Variants in SLIT2 observed in about 807,000 individuals in gnomAD.
SLIT2 encodes the protein slit homolog 2 protein.
Under a neutral mutation model 185.7 loss-of-function variants are expected in SLIT2, and 41 were observed. The observed-to-expected ratio is 0.22, with a 90% CI of 0.17 to 0.29. The LOEUF (loss-of-function observed/expected upper bound fraction) is 0.29, where lower values mean the gene tolerates loss of function less well. Ranked by LOEUF, SLIT2 falls within the 10% of genes least tolerant of loss-of-function variation. SLIT2 has a pLI of 1.00. For missense variants in SLIT2, 1,571 were observed against 1,909.0 expected (o/e 0.82, Z 3.30); for synonymous variants, 693 against 680.2 (o/e 1.02, Z -0.29).
In SLIT2 at chr4:20,334,994, C is replaced by A. The variant is rs527309792; in HGVS notation, c.395+66113C>A. The stretch of plus-strand genomic sequence containing the variant: ...TCAGAATCCTCTCATGCAGTGTCAT[C>A]ACCAGTTAAATAAATTAAATACTAG... On this transcript the variant is annotated intron_variant, in intron 4 of 36. Coordinates refer to ENST00000504154, the MANE Select transcript of SLIT2 (RefSeq NM_004787.4). Among the ~76,000 whole-genome samples the A allele has an allele frequency of 1.4e-3, 218 of 152,276 alleles. 1 individual carries two copies. The highest frequency in any genetic ancestry group is 5.0e-3 in the African/African-American group (206 of 41,556).
intron 11 of SLIT2, among the ~76,000 whole-genome samples, chr4:20,518,253 A>ATT: frequency 9.9e-6 from 1 of 101,410 alleles, no homozygotes; most frequent in African/African-American, 3.6e-5. Context: ...ATATATATAT[A>ATT]TATTTTTTTT....
At position 20,596,797 on chromosome 4, in the gene SLIT2, C is replaced by T. The variant is rs114212914; in HGVS notation, c.3561+142C>T. The T allele has an allele frequency of 1.3e-3, 886 of 700,142 alleles. 13 individuals are homozygous for T. The African/African-American group carries it at 0.014, about 11-fold the overall frequency. The allele number at this position is 700,142 out of a possible 1,614,324, so 43.4% of individuals were successfully genotyped here. On this transcript the variant is annotated intron_variant, in intron 32 of 36. Coordinates refer to ENST00000504154, the MANE Select transcript of SLIT2 (RefSeq NM_004787.4). ...CAGAAAATGCTCCTTGTGTGGACAGCGTTAGTAATTTTTCTCTTCAACATT... is the reference window on the plus strand; with the variant it reads ...CAGAAAATGCTCCTTGTGTGGACAGTGTTAGTAATTTTTCTCTTCAACATT...
intron 4 of SLIT2, among the ~76,000 whole-genome samples, chr4:20,320,030 C>A (rs1335229128): frequency 6.6e-6 from 1 of 152,120 alleles, no homozygotes; most frequent in Non-Finnish European, 1.5e-5. Flanking sequence ...CACTGGATTC[C>A]TGGTTTCCAG....
chr4:20,328,370 A>G (rs1448601595), intron 4 of SLIT2, among the ~76,000 whole-genome samples: 1 of 152,060 alleles, frequency 6.6e-6, no homozygotes, highest in African/African-American at 2.4e-5. Flanking sequence ...CTCCATAAAG[A>G]TGTGGAATCT....
intron 4 of SLIT2, among the ~76,000 whole-genome samples, chr4:20,326,199 TAA>T (rs1032663956): frequency 1.3e-5 from 2 of 152,134 alleles, no homozygotes; most frequent in African/African-American, 4.8e-5. Flanking sequence ...TGTCTGCAAG[TAA>T]AGTTATTAGC....
intron 5 of SLIT2, among the ~76,000 whole-genome samples, chr4:20,475,277 A>G (rs1242897018): frequency 6.6e-6 from 1 of 151,040 alleles, no homozygotes; most frequent in Non-Finnish European, 1.5e-5. Context: ...TTTTCTGTCT[A>G]ATTAGATTCT....
intron 4 of SLIT2, among the ~76,000 whole-genome samples, chr4:20,301,190 A>G (rs777894504): frequency 1.3e-5 from 2 of 152,166 alleles, no homozygotes; most frequent in African/African-American, 4.8e-5. Flanking sequence ...TTTAAAAATT[A>G]GAAAATTTTA....
At chr4:20,260,581 C>A (rs1712348172) in intron 3 of SLIT2, among the ~76,000 whole-genome samples, 1 of 151,474 alleles carries the variant, frequency 6.6e-6, no homozygotes, top group African/African-American at 2.4e-5. Context: ...ATACATTTTT[C>A]TTTTTCTTTT....
intron 21 of SLIT2, among the ~76,000 whole-genome samples, 186 bp downstream of exon 21, chr4:20,542,812 C>G (rs1722917700): frequency 9.0e-6 from 1 of 110,988 alleles, no homozygotes; most frequent in South Asian, 3.5e-4. Context: ...TTGGGAATTG[C>G]TGTGTGTGTG....
At chr4:20,438,699 C>T (rs1729530538) in intron 4 of SLIT2, among the ~76,000 whole-genome samples, 1 of 152,168 alleles carries the variant, frequency 6.6e-6, no homozygotes, top group Admixed American at 6.5e-5. Flanking sequence ...CTGCTGTTAA[C>T]TCTCTGATCT....
rs557018872 is a variant in SLIT2, at chr4:20,513,741, G to A, written c.1058+2604G>A. Among the ~76,000 whole-genome samples, 38 of 152,186 alleles carry A rather than the reference G, an allele frequency of 2.5e-4. No individual in the cohort carries two copies. In the South Asian group the frequency reaches 7.5e-3, roughly 30 times the overall value. On this transcript the variant is annotated intron_variant, in intron 11 of 36. Coordinates refer to ENST00000504154, the MANE Select transcript of SLIT2 (RefSeq NM_004787.4). ...GGGATAAGGATAGCTGTGGTTGGCGGGGGGAAGCTAAAACCTTAAATAAGA... is the reference window on the plus strand; with the variant it reads ...GGGATAAGGATAGCTGTGGTTGGCGAGGGGAAGCTAAAACCTTAAATAAGA...
chr4:20,554,781 T>G (rs1724100411), intron 26 of SLIT2, among the ~76,000 whole-genome samples: 1 of 151,928 alleles, frequency 6.6e-6, no homozygotes, highest in African/African-American at 2.4e-5. Context: ...TTTGTTTGTT[T>G]GAGACAGAGT....
intron 4 of SLIT2, among the ~76,000 whole-genome samples, chr4:20,397,833 T>C (rs930327789): frequency 6.6e-6 from 1 of 151,702 alleles, no homozygotes; most frequent in Non-Finnish European, 1.5e-5. Flanking sequence ...TCACATGTGG[T>C]TGTCGGAATT....
rs568044510 is a variant in SLIT2 at position 20,562,491 on chromosome 4, T to C, written c.2726-4771T>C. On this transcript the variant is annotated intron_variant, in intron 26 of 36. Transcript: ENST00000504154. ...TTGCAGAAACTTGAAACACATATTC[T>C]AAGACATGCATTCTCATTCCCCACA... Among the ~76,000 whole-genome samples the C allele has an allele frequency of 2.5e-3, 373 of 151,908 alleles. 1 individual carries two copies. The highest frequency in any genetic ancestry group is 5.9e-3 in the Admixed American group (89 of 15,206).
intron 18 of SLIT2, among the ~76,000 whole-genome samples, chr4:20,536,860 G>A (rs773265698): frequency 6.7e-6 from 1 of 149,924 alleles, no homozygotes; most frequent in Non-Finnish European, 1.5e-5. Flanking sequence ...ACTTACTTTT[G>A]CATTTTTAAA....
At chr4:20,295,969 G>A (rs529111303) in intron 4 of SLIT2, among the ~76,000 whole-genome samples, 2 of 152,330 alleles carry the variant, frequency 1.3e-5, no homozygotes, top group South Asian at 2.1e-4. Context: ...CTGTATGATG[G>A]CCAGTGCCAT....
intron 4 of SLIT2, among the ~76,000 whole-genome samples, chr4:20,406,778 A>G (rs1377209028): frequency 6.9e-6 from 1 of 143,994 alleles, no homozygotes; most frequent in Non-Finnish European, 1.5e-5. Context: ...AAACTTATTC[A>G]TTCCCTATGG....
intron 4 of SLIT2, among the ~76,000 whole-genome samples, chr4:20,274,403 C>T (rs1189143514): frequency 6.6e-6 from 1 of 152,116 alleles, no homozygotes; most frequent in African/African-American, 2.4e-5. Context: ...CATCTGAACA[C>T]AACTCAAAAT....
rs76031488 is a variant in SLIT2, at chr4:20,339,858, C to A, written c.395+70977C>A. On this transcript the variant is annotated intron_variant, in intron 4 of 36. Coordinates refer to ENST00000504154, the MANE Select transcript of SLIT2 (RefSeq NM_004787.4). ...AAATCTAATTGAGTTTCAGAAACACCATTCTGGTTTTTACCACATTGTATA... is the reference window on the plus strand; with the variant it reads ...AAATCTAATTGAGTTTCAGAAACACAATTCTGGTTTTTACCACATTGTATA... Among the ~76,000 whole-genome samples the A allele has an allele frequency of 4.6e-5, 7 of 152,102 alleles. No individual in the cohort carries two copies. In the East Asian group the frequency reaches 1.2e-3, roughly 25 times the overall value.
Sources: gnomAD v4.1 joint callset for allele counts (sites outside exome capture counted in the v4.1 genomes callset) on GRCh38, gnomAD v4.1.1 for gene constraint, MANE v1.5 for transcripts, NCBI Gene and HGNC (gene_info 2026-07-23, HGNC 2026-07-21) for gene names.